Variants in USP15 observed in about 807,000 individuals in gnomAD.
The protein encoded by USP15 is ubiquitin carboxyl-terminal hydrolase 15.
In USP15, 18 loss-of-function variants were observed where a neutral mutation model predicts 127.1. That is an observed-to-expected ratio of 0.14 (90% CI 0.10 to 0.21). USP15 has a LOEUF of 0.21. USP15 is among the 10% of genes least tolerant of loss of function. The pLI is 1.00. For synonymous variants in USP15, 364 were observed against 393.7 expected (o/e 0.92, Z 0.89); for missense variants, 805 against 1,159.9 (o/e 0.69, Z 4.44).
intron 6 of USP15, chr12:62,335,131 G>T (rs1274453407): frequency 1.6e-5 from 25 of 1,532,558 alleles, no homozygotes; most frequent in Non-Finnish European, 1.7e-5. Flanking sequence ...GTTAATGTAT[G>T]ATATTCTTAG....
intron 16 of USP15, 152 bp from the exon 17 acceptor site, chr12:62,391,664 T>A (rs1262216484): frequency 2.2e-6 from 2 of 890,384 alleles, no homozygotes; most frequent in African/African-American, 3.5e-5. Context: ...CTTAAATTAT[T>A]TCAATGGCTT....
chr12:62,262,239 A>G (rs2063086114), intron 1 of USP15, among the ~76,000 whole-genome samples: 1 of 152,176 alleles, frequency 6.6e-6, no homozygotes, highest in Non-Finnish European at 1.5e-5. Context: ...CATCTCAAAA[A>G]AAGAAAAAAA....
At chr12:62,286,968 C>T (rs995652947) in intron 1 of USP15, among the ~76,000 whole-genome samples, 2 of 151,516 alleles carry the variant, frequency 1.3e-5, no homozygotes, top group African/African-American at 4.9e-5. Flanking sequence ...ACATATATAC[C>T]ATGCAATACT....
In USP15 at chr12:62,404,232, A is replaced by G; in HGVS notation, c.2803A>G (p.Thr935Ala). 1 of 1,613,240 alleles carries G rather than the reference A, an allele frequency of 6.2e-7. No homozygotes were observed. Among genetic ancestry groups the G allele is most frequent in the South Asian group, 1.1e-5 (1 of 91,054 alleles). ...AYVLFYQRQD[T>A]FSGTGFFPLD... Reference sequence around the variant, plus strand: ...TGTACTCTTCTACCAGAGACAAGACACTTTCAGTGGAACTGGCTTTTTTCC... The same window carrying G: ...TGTACTCTTCTACCAGAGACAAGACGCTTTCAGTGGAACTGGCTTTTTTCC... Residue 935 changes from threonine to alanine, a missense_variant, in exon 22 of 22, where the codon ACT (threonine) becomes GCT (alanine). This residue lies in a region of USP15 where 116 missense variants were observed against 157.2 expected (regional missense o/e 0.74). Transcript: ENST00000280377.
In USP15 at chr12:62,384,201, T is replaced by A; in HGVS notation, c.1372T>A (p.Phe458Ile). The change falls in exon 11 of 22, where the codon TTT becomes ATT. Residue 458 changes from phenylalanine (F) to isoleucine (I), a missense_variant. By Grantham distance (21) the Phe-to-Ile change is conservative. Around this residue, in one of 11 missense-constraint regions of USP15, gnomAD observed 84 missense variants for 210.3 expected, o/e 0.40. Transcript: ENST00000280377. ...TGAGTGTGCTAAGATTTCAGTAACA[T>A]TTGATCCTTTTTGTTACTTGACACT... Reference protein sequence around the residue: ...CPECAKISVTFDPFCYLTLPL... With the variant: ...CPECAKISVTIDPFCYLTLPL... 6.2e-7 allele frequency: 1 copy of A among 1,613,136 alleles called. No individual in the cohort carries two copies. Among genetic ancestry groups the A allele is most frequent in the Non-Finnish European group, 8.5e-7 (1 of 1,179,322 alleles).
rs2067299789 is a variant in USP15 at position 62,390,745 on chromosome 12, TCTA to T, written c.1845-115_1845-113del. ...CTAAAAGTTTGAATTTATCTTTGAA[TCTA>T]CTAAGTGACCACTGTTACTGCATTA... is the stretch of plus-strand genomic sequence containing the variant. On this transcript the variant is annotated intron_variant, in intron 14 of 21. Coordinates refer to ENST00000280377, the MANE Select transcript of USP15 (RefSeq NM_001252078.2). The T allele has an allele frequency of 5.4e-6, 3 of 559,960 alleles. No individual in the cohort carries two copies. In the Admixed American group the frequency reaches 1.1e-4, roughly 20 times the overall value. 34.7% of individuals were successfully genotyped at this position (559,960 alleles called of 1,614,324 possible).
At chr12:62,384,893 G>T (rs779571854) in intron 11 of USP15, among the ~76,000 whole-genome samples, 1 of 151,738 alleles carries the variant, frequency 6.6e-6, no homozygotes, top group Non-Finnish European at 1.5e-5. Flanking sequence ...GCCTGATTCC[G>T]TTACCTAGTG....
intron 2 of USP15, among the ~76,000 whole-genome samples, chr12:62,294,798 A>G (rs2064080468): frequency 6.6e-6 from 1 of 152,186 alleles, no homozygotes; most frequent in South Asian, 2.1e-4. Flanking sequence ...ACTACTTGCC[A>G]GTCCTTCTAT....
chr12:62,314,158 G>A, intron 3 of USP15: 1 of 333,756 alleles, frequency 3.0e-6, no homozygotes, highest in Non-Finnish European at 4.3e-6. Context: ...TAAGTGTGTA[G>A]TTAAAGGTCA....
At chr12:62,357,816 T>C (rs955993919) in intron 8 of USP15, among the ~76,000 whole-genome samples, 2 of 152,132 alleles carry the variant, frequency 1.3e-5, no homozygotes, top group Admixed American at 6.6e-5. Flanking sequence ...GCTCTCGAGC[T>C]GAAAATTGAC....
intron 8 of USP15, among the ~76,000 whole-genome samples, chr12:62,369,667 C>T (rs118093763): frequency 0.011 from 1,627 of 152,096 alleles, 15 homozygotes; most frequent in Admixed American, 0.024. Flanking sequence ...ATATTTGATA[C>T]GTAATTGAGG....
intron 1 of USP15, among the ~76,000 whole-genome samples, chr12:62,261,605 A>C (rs150802743): frequency 6.6e-6 from 1 of 152,222 alleles, no homozygotes; most frequent in Admixed American, 6.5e-5. Context: ...ATTGCACCTC[A>C]TTATCTTCAT....
chr12:62,342,937 G>C (rs966025580), intron 6 of USP15, among the ~76,000 whole-genome samples: 1 of 152,184 alleles, frequency 6.6e-6, no homozygotes, highest in Non-Finnish European at 1.5e-5. Flanking sequence ...TGTGCTGGGA[G>C]AATCCCCCTT....
At chr12:62,275,565 C>T (rs947560152) in intron 1 of USP15, among the ~76,000 whole-genome samples, 1 of 151,906 alleles carries the variant, frequency 6.6e-6, no homozygotes, top group African/African-American at 2.4e-5. Context: ...ACTTGAGAAG[C>T]TTGACTGTAA....
intron 6 of USP15, among the ~76,000 whole-genome samples, chr12:62,331,669 CTG>C (rs766981825): frequency 5.6e-4 from 86 of 152,222 alleles, no homozygotes; most frequent in Middle Eastern, 6.8e-3. Flanking sequence ...AGTTTTGAAA[CTG>C]TGTCTTCAGC....
chr12:62,366,143 C>G (rs1592677120), intron 8 of USP15, among the ~76,000 whole-genome samples: 1 of 152,140 alleles, frequency 6.6e-6, no homozygotes, highest in East Asian at 1.9e-4. Flanking sequence ...CTTTGGGAAG[C>G]ATGGCCATTT....
At chr12:62,388,082 C>A (rs1423338851) in intron 11 of USP15, among the ~76,000 whole-genome samples, 1 of 148,432 alleles carries the variant, frequency 6.7e-6, no homozygotes, top group Non-Finnish European at 1.5e-5. Context: ...ATTAAGGGAG[C>A]AGTAGTGAAA....
intron 5 of USP15, among the ~76,000 whole-genome samples, chr12:62,323,135 C>A (rs889427023): frequency 1.3e-5 from 2 of 152,164 alleles, no homozygotes; most frequent in African/African-American, 4.8e-5. Flanking sequence ...GATGTTTCTA[C>A]TTTGGAGAAA....
intron 1 of USP15, among the ~76,000 whole-genome samples, chr12:62,284,983 A>G (rs1164035515): frequency 6.6e-6 from 1 of 152,178 alleles, no homozygotes; most frequent in Non-Finnish European, 1.5e-5. Flanking sequence ...AAATCATTCA[A>G]AAACCAATCC....
Sources: allele counts gnomAD v4.1 joint callset (sites outside exome capture counted in the v4.1 genomes callset), GRCh38; gene constraint gnomAD v4.1.1; regional missense constraint gnomAD v4.1.1; transcripts MANE v1.5; gene names NCBI Gene and HGNC (gene_info 2026-07-23, HGNC 2026-07-21).